The following PLCH1 variants were observed in gnomAD, a reference collection of about 807,000 sequenced individuals.
PLCH1 encodes the protein 1-phosphatidylinositol 4,5-bisphosphate phosphodiesterase eta-1.
Under a neutral mutation model 126.7 loss-of-function variants are expected in PLCH1, and 60 were observed. That is an observed-to-expected ratio of 0.47 (90% confidence interval 0.38 to 0.59). PLCH1 has a LOEUF of 0.59. PLCH1 is among the 20% of genes least tolerant of loss of function. The pLI is 0.00. For synonymous variants in PLCH1, 719 were observed against 734.9 expected, an observed-to-expected ratio of 0.98 and a Z score of 0.35; for missense variants, 1,723 against 2,040.0, an observed-to-expected ratio of 0.84 and a Z score of 2.99.
intron 10 of PLCH1, among the ~76,000 whole-genome samples, chr3:155,524,301 AG>A (rs1721613934): frequency 1.3e-5 from 2 of 152,200 alleles, no homozygotes; most frequent in South Asian, 4.1e-4. Context: ...AAAGGGCTGA[AG>A]GTAGGAGGGT....
At chr3:155,666,891 G>GAGGT (rs1447493459) in intron 2 of PLCH1, among the ~76,000 whole-genome samples, 5 of 142,056 alleles carry the variant, frequency 3.5e-5, no homozygotes, top group Non-Finnish European at 7.6e-5. Flanking sequence ...AGACACAGAT[G>GAGGT]AGGTGTGTGT....
At chr3:155,705,513 T>C (rs1835212) in intron 1 of PLCH1, among the ~76,000 whole-genome samples, 42,036 of 152,036 alleles carry the variant, frequency 0.28, 6,123 homozygotes, top group East Asian at 0.48. Context: ...TAGCTAATTA[T>C]GAAAACAACC....
intron 4 of PLCH1, among the ~76,000 whole-genome samples, chr3:155,593,479 G>T (rs563015183): frequency 6.6e-6 from 1 of 152,326 alleles, no homozygotes; most frequent in South Asian, 2.1e-4. Flanking sequence ...GAAAAAGCAG[G>T]AAGGAGCTCA....
intron 11 of PLCH1, 145 bp downstream of exon 11, chr3:155,523,752 G>GTGT (rs1576904633): frequency 3.6e-6 from 2 of 553,584 alleles, no homozygotes; most frequent in East Asian, 6.4e-5. Flanking sequence ...ATGTCTATGT[G>GTGT]CCAGCAAATA....
At chr3:155,516,532 C>T (rs1241564986) in intron 11 of PLCH1, among the ~76,000 whole-genome samples, 5 of 152,064 alleles carry the variant, frequency 3.3e-5, no homozygotes, top group Admixed American at 1.3e-4. Context: ...GACTTGAAAG[C>T]AAGAGGTATG....
At chr3:155,546,385 A>C (rs1725285963) in intron 10 of PLCH1, among the ~76,000 whole-genome samples, 1 of 152,190 alleles carries the variant, frequency 6.6e-6, no homozygotes, top group Admixed American at 6.5e-5. Context: ...AAGGAAATTA[A>C]AGAGGATACA....
intron 6 of PLCH1, 135 bp downstream of exon 6, chr3:155,583,337 G>A (rs1560200461): frequency 1.5e-6 from 1 of 649,432 alleles, no homozygotes; most frequent in Non-Finnish European, 2.6e-6. Context: ...ATGACTCATA[G>A]ATAAGATTTT....
At chr3:155,566,364 CACATATATAT>C (rs2108521507) in intron 7 of PLCH1, among the ~76,000 whole-genome samples, 1 of 139,474 alleles carries the variant, frequency 7.2e-6, no homozygotes, top group African/African-American at 2.7e-5. Context: ...TATATATACA[CACATATATAT>C]ATGTGTGTAT....
intron 22 of PLCH1, among the ~76,000 whole-genome samples, chr3:155,484,801 A>C (rs1714769813): frequency 6.6e-6 from 1 of 152,180 alleles, no homozygotes; most frequent in African/African-American, 2.4e-5. Flanking sequence ...AACCGTGCTG[A>C]AGCTGCAGGC....
intron 2 of PLCH1, among the ~76,000 whole-genome samples, chr3:155,659,556 G>A (rs1741880593): frequency 6.6e-6 from 1 of 151,804 alleles, no homozygotes; most frequent in African/African-American, 2.4e-5. Context: ...CTGGAGTGCA[G>A]TAGCATGATC....
At chr3:155,636,458 A>C (rs1161982423) in intron 2 of PLCH1, among the ~76,000 whole-genome samples, 1 of 152,154 alleles carries the variant, frequency 6.6e-6, no homozygotes, top group Non-Finnish European at 1.5e-5. Flanking sequence ...AAGTAGTTAG[A>C]TTTTGTAGGC....
chr3:155,458,563 AAAG>A (rs1712586077), intron 21 of PLCH1, among the ~76,000 whole-genome samples: 2 of 74,916 alleles, frequency 2.7e-5, no homozygotes, highest in African/African-American at 9.3e-5. Flanking sequence ...AGAGAAAAAG[AAAG>A]AAAGAAAGAA....
At chr3:155,609,978 A>G (rs1734831187) in intron 2 of PLCH1, among the ~76,000 whole-genome samples, 1 of 152,216 alleles carries the variant, frequency 6.6e-6, no homozygotes, top group Non-Finnish European at 1.5e-5. Context: ...ATTTGAGGGA[A>G]CAATCATGGA....
chr3:155,693,800 T>C (rs539056323), intron 2 of PLCH1, among the ~76,000 whole-genome samples: 5 of 152,044 alleles, frequency 3.3e-5, no homozygotes, highest in African/African-American at 1.2e-4. Context: ...CATGGTGGTG[T>C]GCACCTGTAA....
intron 2 of PLCH1, among the ~76,000 whole-genome samples, chr3:155,682,685 G>A (rs1364972124): frequency 2.0e-5 from 3 of 152,082 alleles, no homozygotes; most frequent in Non-Finnish European, 4.4e-5. Context: ...AAATTAGTCA[G>A]TGGAAAAACT....
chr3:155,715,661 G>A (rs1307987264), intron 1 of PLCH1, among the ~76,000 whole-genome samples: 2 of 148,626 alleles, frequency 1.3e-5, no homozygotes, highest in African/African-American at 5.0e-5. Flanking sequence ...TGTCCAGGCT[G>A]GAGTGCAGTG....
chr3:155,470,630 T>G (rs947922863), intron 21 of PLCH1, among the ~76,000 whole-genome samples: 1 of 151,992 alleles, frequency 6.6e-6, no homozygotes, highest in African/African-American at 2.4e-5. Flanking sequence ...ATTGTCAGAT[T>G]CACCAAAGTT....
intron 1 of PLCH1, among the ~76,000 whole-genome samples, chr3:155,709,936 AG>A (rs1327064732): frequency 6.6e-6 from 1 of 152,042 alleles, no homozygotes; most frequent in Non-Finnish European, 1.5e-5. Context: ...AATTTTAATC[AG>A]GTTGTTTACT....
At chr3:155,495,389 C>T (rs59034641) in intron 15 of PLCH1, among the ~76,000 whole-genome samples, 1,571 of 152,222 alleles carry the variant, frequency 0.01, 16 homozygotes, top group African/African-American at 0.036. Context: ...ACAAAGCCCC[C>T]GCTATTTCCA....
Sources: gnomAD v4.1 joint callset for allele counts (sites outside exome capture counted in the v4.1 genomes callset) on GRCh38, gnomAD v4.1.1 for gene constraint, MANE v1.5 for transcripts, NCBI Gene and HGNC (gene_info 2026-07-23, HGNC 2026-07-21) for gene names.